The following FLI1 variants were observed in gnomAD, a reference collection of about 807,000 sequenced individuals.
FLI1 encodes Friend leukemia integration 1 transcription factor.
In FLI1, 13 loss-of-function variants were observed where a neutral mutation model predicts 53.1. The ratio of observed to expected loss-of-function variants is 0.24; its 90% CI spans 0.16 to 0.39. FLI1 has a LOEUF of 0.39. Ranked by LOEUF, FLI1 falls within the 10% of genes least tolerant of loss-of-function variation. The pLI is 1.00. For missense variants in FLI1, 424 were observed against 600.5 expected, an observed-to-expected ratio of 0.71 and a Z score of 3.07; for synonymous variants, 244 against 236.7, an observed-to-expected ratio of 1.03 and a Z score of -0.28.
intron 1 of FLI1, among the ~76,000 whole-genome samples, chr11:128,754,341 A>G (rs1940779335): frequency 6.6e-6 from 1 of 152,014 alleles, no homozygotes; most frequent in African/African-American, 2.4e-5. Context: ...GTCATAGGTC[A>G]TCATCAGAAA....
At chr11:128,743,922 C>G (rs1461307379) in intron 1 of FLI1, among the ~76,000 whole-genome samples, 2 of 152,174 alleles carry the variant, frequency 1.3e-5, no homozygotes, top group African/African-American at 2.4e-5. Flanking sequence ...CTGGACTGTC[C>G]AGGCTTAGCA....
chr11:128,764,359 G>T (rs1591792231), intron 2 of FLI1, among the ~76,000 whole-genome samples: 2 of 152,186 alleles, frequency 1.3e-5, no homozygotes, highest in Admixed American at 1.3e-4. Context: ...TGGAAATGAA[G>T]GACAAGGGCT....
chr11:128,798,176 G>A (rs1942499857), intron 5 of FLI1, among the ~76,000 whole-genome samples: 1 of 152,192 alleles, frequency 6.6e-6, no homozygotes, highest in African/African-American at 2.4e-5. Flanking sequence ...TTTGACCTAA[G>A]AAGTATGCAA....
At chr11:128,764,489 T>C (rs1941253179) in intron 2 of FLI1, among the ~76,000 whole-genome samples, 1 of 152,210 alleles carries the variant, frequency 6.6e-6, no homozygotes. Context: ...CCAGGCTCTC[T>C]TGTCACCTGT....
intron 1 of FLI1, among the ~76,000 whole-genome samples, chr11:128,746,920 G>A (rs1032887112): frequency 6.6e-6 from 1 of 152,214 alleles, no homozygotes; most frequent in African/African-American, 2.4e-5. Context: ...CCTTTTGTTA[G>A]AACAGATTTA....
chr11:128,685,883 A>G (rs1025423312), upstream of FLI1, among the ~76,000 whole-genome samples: 1 of 152,100 alleles, frequency 6.6e-6, no homozygotes, highest in Non-Finnish European at 1.5e-5. Context: ...AGTCAGGGAG[A>G]GACCCACTCA....
chr11:128,733,323 T>C (rs1292353711), intron 1 of FLI1, among the ~76,000 whole-genome samples: 1 of 152,156 alleles, frequency 6.6e-6, no homozygotes, highest in Non-Finnish European at 1.5e-5. Context: ...CCGGGAATCT[T>C]CATTTTTAAC....
chr11:128,703,325 A>G (rs1938416989), intron 1 of FLI1, among the ~76,000 whole-genome samples: 1 of 152,212 alleles, frequency 6.6e-6, no homozygotes, highest in South Asian at 2.1e-4. Flanking sequence ...TTCTACAGCT[A>G]TGTTCACTCA....
chr11:128,788,012 A>T (rs914391426), intron 5 of FLI1, among the ~76,000 whole-genome samples: 5 of 150,574 alleles, frequency 3.3e-5, no homozygotes, highest in Admixed American at 6.6e-5. Flanking sequence ...GGGTTTCACC[A>T]CGTTAGCCAG....
At chr11:128,728,800 T>G (rs1293622752) in intron 1 of FLI1, among the ~76,000 whole-genome samples, 1 of 152,244 alleles carries the variant, frequency 6.6e-6, no homozygotes, top group Non-Finnish European at 1.5e-5. Context: ...CTGCCTTGGC[T>G]ACATCAAGTC....
intron 1 of FLI1, among the ~76,000 whole-genome samples, chr11:128,755,983 C>A (rs1377496041): frequency 6.6e-6 from 1 of 152,096 alleles, no homozygotes. Flanking sequence ...CCCTGGGAGA[C>A]AAGAGACAGC....
intron 5 of FLI1, 92 bp downstream of exon 5, chr11:128,782,115 G>A (rs1379482121): frequency 8.3e-7 from 1 of 1,197,646 alleles, no homozygotes; most frequent in African/African-American, 1.5e-5. Context: ...AAACCAGCTT[G>A]CGTGTTCCAC....
chr11:128,773,073 T>C, intron 4 of FLI1, 88 bp downstream of exon 4: 1 of 1,235,106 alleles, frequency 8.1e-7, no homozygotes, highest in Middle Eastern at 2.4e-4. Flanking sequence ...CCGTTCGTGT[T>C]GGGCAGATGC....
At chr11:128,743,457 G>A (rs958894573) in intron 1 of FLI1, among the ~76,000 whole-genome samples, 2 of 151,614 alleles carry the variant, frequency 1.3e-5, no homozygotes, top group Non-Finnish European at 2.9e-5. Flanking sequence ...CTTTGACAAT[G>A]GATCCTGAGG....
chr11:128,686,169 G>A (rs1865799090), upstream of FLI1: 3 of 360,164 alleles, frequency 8.3e-6, no homozygotes, highest in South Asian at 6.1e-5. Flanking sequence ...ACTGAGGGGC[G>A]AGTGTTGGCA....
At chr11:128,699,468 A>C (rs1938228952) in intron 1 of FLI1, among the ~76,000 whole-genome samples, 1 of 152,204 alleles carries the variant, frequency 6.6e-6, no homozygotes, top group South Asian at 2.1e-4. Flanking sequence ...ACGTACACAC[A>C]AACACACACC....
intron 1 of FLI1, among the ~76,000 whole-genome samples, chr11:128,750,169 C>T (rs601986): frequency 0.37 from 57,031 of 152,128 alleles, 10,939 homozygotes; most frequent in South Asian, 0.44. Flanking sequence ...CAGAGCCCTG[C>T]ACTGGGAGCG....
intron 1 of FLI1, chr11:128,748,215 T>A (rs901154366): frequency 4.1e-6 from 4 of 968,538 alleles, no homozygotes; most frequent in Non-Finnish European, 3.7e-6. Flanking sequence ...CGTCTGCAAA[T>A]AATTGCAATT....
intron 3 of FLI1, among the ~76,000 whole-genome samples, chr11:128,768,707 AAAAAG>A (rs1157744162): frequency 6.6e-6 from 1 of 151,678 alleles, no homozygotes; most frequent in African/African-American, 2.4e-5. Context: ...AAAAAAAAAA[AAAAAG>A]CTGCACATTT....
Sources: gnomAD v4.1 joint callset for allele counts (sites outside exome capture counted in the v4.1 genomes callset) on GRCh38, gnomAD v4.1.1 for gene constraint, MANE v1.5 for transcripts, NCBI Gene and HGNC (gene_info 2026-07-23, HGNC 2026-07-21) for gene names.